Variants in PHIP observed in about 807,000 individuals in gnomAD.
PHIP encodes the protein PHIP subunit of CUL4-Ring ligase complex.
A neutral mutation model predicts 236.8 loss-of-function variants in PHIP; 54 were observed. The ratio of observed to expected loss-of-function variants is 0.23; its 90% CI spans 0.18 to 0.29. The LOEUF is 0.29. Ranked by LOEUF, PHIP falls within the 10% of genes least tolerant of loss-of-function variation. The pLI is 1.00. For missense variants in PHIP, 1,370 were observed against 2,190.8 expected, an observed-to-expected ratio of 0.63 and a Z score of 7.48; for synonymous variants, 756 against 718.9, an observed-to-expected ratio of 1.05 and a Z score of -0.83.
At chr6:79,071,906 T>C (rs901092669) in intron 4 of PHIP, among the ~76,000 whole-genome samples, 1 of 151,920 alleles carries the variant, frequency 6.6e-6, no homozygotes, top group Middle Eastern at 3.2e-3. Flanking sequence ...ACTATTATTA[T>C]TATTATTTTC....
intron 4 of PHIP, among the ~76,000 whole-genome samples, chr6:79,067,496 A>G (rs1773680736): frequency 6.6e-6 from 1 of 152,252 alleles, no homozygotes; most frequent in African/African-American, 2.4e-5. Context: ...AGTGCAAGTC[A>G]GCAAACATTT....
At chr6:78,953,259 A>G (rs1429212298) in intron 35 of PHIP, among the ~76,000 whole-genome samples, 2 of 152,128 alleles carry the variant, frequency 1.3e-5, no homozygotes, top group African/African-American at 4.8e-5. Context: ...CAGTTCTTCA[A>G]TATTTCTGGT....
At chr6:79,072,643 C>T (rs73466210) in intron 4 of PHIP, among the ~76,000 whole-genome samples, 3,197 of 152,044 alleles carry the variant, frequency 0.021, 118 homozygotes, top group African/African-American at 0.072. Flanking sequence ...GCCACTACAC[C>T]TGGCTAATTT....
chr6:79,035,662 T>C lies in PHIP; in HGVS notation c.600+7181A>G, dbSNP rs542588551. Among the ~76,000 whole-genome samples the C allele has an allele frequency of 1.2e-4, 19 of 152,320 alleles. No individual in the cohort carries two copies. In the South Asian group the frequency reaches 2.3e-3, roughly 18 times the overall value. On this transcript the variant is annotated intron_variant, in intron 7 of 39. Transcript: ENST00000275034. ...TTTGAGTCAGAGATCTCATCTCTTATTGCCATTAGAATAAGCAGTAGAAAT... is the reference window on the plus strand; with the variant it reads ...TTTGAGTCAGAGATCTCATCTCTTACTGCCATTAGAATAAGCAGTAGAAAT...
chr6:78,971,861 C>A (rs1335459609), intron 24 of PHIP, among the ~76,000 whole-genome samples: 1 of 151,856 alleles, frequency 6.6e-6, no homozygotes, highest in Non-Finnish European at 1.5e-5. Context: ...TATCCCGCAC[C>A]TGGCTCGGAG....
intron 22 of PHIP, among the ~76,000 whole-genome samples, chr6:78,984,396 TCA>T (rs1275798430): frequency 1.4e-5 from 2 of 146,912 alleles, no homozygotes; most frequent in Non-Finnish European, 3.1e-5. Flanking sequence ...ACCTGCCAAA[TCA>T]CACAGTTATC....
chr6:79,030,521 T>C (rs1345720631), intron 7 of PHIP, among the ~76,000 whole-genome samples: 1 of 152,212 alleles, frequency 6.6e-6, no homozygotes, highest in African/African-American at 2.4e-5. Flanking sequence ...GAATGATAAT[T>C]GAGTTTTAAA....
chr6:78,955,245 G>A lies in PHIP; in HGVS notation c.3890C>T (p.Thr1297Ile). 2 of 1,606,938 alleles carry A rather than the reference G, an allele frequency of 1.2e-6. No homozygotes were observed. The highest frequency in any genetic ancestry group is 1.7e-6 in the Non-Finnish European group (2 of 1,175,340). Residue 1297 changes from threonine to isoleucine, a missense_variant, in exon 34 of 40, where the codon ACT (threonine) becomes ATT (isoleucine). Physicochemically the swap from Thr to Ile is moderately conservative, Grantham distance 89 (BLOSUM62 -1). Transcript: ENST00000275034. ...EKDADVPGTS[T>I]RKRKDHQPRR... is the part of the protein sequence containing the mutation. Reference sequence around the variant, plus strand: ...AAACTATATTACCTTCCTTTTTCGAGTAGAAGTTCCTGGCACATCAGCATC... The same window carrying A: ...AAACTATATTACCTTCCTTTTTCGAATAGAAGTTCCTGGCACATCAGCATC...
intron 19 of PHIP, among the ~76,000 whole-genome samples, 184 bp from the exon 20 acceptor site, chr6:78,991,169 C>T (rs879285537): frequency 6.6e-6 from 1 of 152,118 alleles, no homozygotes; most frequent in Non-Finnish European, 1.5e-5. Flanking sequence ...CATTAAATGA[C>T]TGAAATAATG....
At chr6:78,946,471 A>C in intron 37 of PHIP, 1 of 1,399,252 alleles carries the variant, frequency 7.1e-7, no homozygotes, top group Non-Finnish European at 9.2e-7. Flanking sequence ...GGAAAGCATG[A>C]TGCCATCACT....
At chr6:79,030,911 T>C (rs1480438867) in intron 7 of PHIP, among the ~76,000 whole-genome samples, 1 of 152,038 alleles carries the variant, frequency 6.6e-6, no homozygotes, top group East Asian at 1.9e-4. Flanking sequence ...AGTAAATCAC[T>C]TGTTTCATTT....
At chr6:79,039,707 A>T (rs1772116531) in intron 7 of PHIP, among the ~76,000 whole-genome samples, 1 of 152,016 alleles carries the variant, frequency 6.6e-6, no homozygotes, top group South Asian at 2.1e-4. Flanking sequence ...AGGGGGGAAA[A>T]CTCTGCTTTT....
chr6:79,063,231 G>A (rs1401417270), intron 4 of PHIP, among the ~76,000 whole-genome samples: 2 of 152,178 alleles, frequency 1.3e-5, no homozygotes, highest in Non-Finnish European at 2.9e-5. Flanking sequence ...ACCTAATGCA[G>A]TACTTATAGT....
chr6:79,002,799 G>A (rs1395259045), intron 16 of PHIP, among the ~76,000 whole-genome samples: 1 of 151,964 alleles, frequency 6.6e-6, no homozygotes, highest in Admixed American at 6.6e-5. Context: ...CTTCCACAGA[G>A]CTACCATGCT....
At chr6:78,960,928 TAATA>T (rs1040342740) in intron 31 of PHIP, among the ~76,000 whole-genome samples, 3 of 152,246 alleles carry the variant, frequency 2.0e-5, no homozygotes, top group Non-Finnish European at 2.9e-5. Flanking sequence ...AGGACTTCAG[TAATA>T]AATAACTGGT....
intron 4 of PHIP, among the ~76,000 whole-genome samples, chr6:79,066,416 C>T (rs1773623744): frequency 6.6e-6 from 1 of 152,046 alleles, no homozygotes; most frequent in Non-Finnish European, 1.5e-5. Flanking sequence ...ATATTGAGAC[C>T]TTCCCAAGTT....
intron 19 of PHIP, among the ~76,000 whole-genome samples, chr6:78,992,640 G>A (rs1474409702): frequency 1.3e-5 from 2 of 152,020 alleles, no homozygotes; most frequent in African/African-American, 4.8e-5. Context: ...ATGGAGATCT[G>A]TTGTCAGTAA....
intron 22 of PHIP, among the ~76,000 whole-genome samples, chr6:78,984,349 A>C (rs1768730856): frequency 6.6e-6 from 1 of 152,212 alleles, no homozygotes; most frequent in African/African-American, 2.4e-5. Flanking sequence ...TGAGCATTTT[A>C]TTTATACTAG....
Position 78,940,906 on chromosome 6 carries a change from A to G in PHIP, c.5253T>C (p.Asp1751=). ...TGAGTTCTTCAAACTCTTCTTCCTC[A>G]TCTATAGGATCATCTATCTTTTTTC... ...SNRKKIDDPI[D]EEEEFEELKG... is the part of the protein sequence containing the mutation. The change falls in exon 40 of 40, where the codon GAT becomes GAC. Residue 1751 remains aspartate, a synonymous_variant. Coordinates refer to ENST00000275034, the MANE Select transcript of PHIP (RefSeq NM_017934.7). 1.2e-6 allele frequency: 2 copies of G among 1,613,574 alleles called. No individual in the cohort carries two copies. The highest frequency in any genetic ancestry group is 2.2e-5 in the East Asian group (1 of 44,844).
Sources: allele counts gnomAD v4.1 joint callset (sites outside exome capture counted in the v4.1 genomes callset), GRCh38; gene constraint gnomAD v4.1.1; transcripts MANE v1.5; gene names NCBI Gene and HGNC (gene_info 2026-07-23, HGNC 2026-07-21).